The following SMAD3 variants were observed in gnomAD, a reference collection of about 807,000 sequenced individuals.
SMAD3 encodes the protein SMAD family member 3.
In SMAD3, 12 loss-of-function variants were observed where a neutral mutation model predicts 51.8. That is an observed-to-expected ratio of 0.23 (90% CI 0.15 to 0.38). The LOEUF (loss-of-function observed/expected upper bound fraction) is 0.38. SMAD3 is among the 10% of genes least tolerant of loss of function. The pLI is 1.00. For synonymous variants in SMAD3, 238 were observed against 227.7 expected (o/e 1.05, Z -0.41); for missense variants, 294 against 565.6 (o/e 0.52, Z 4.87).
intron 1 of SMAD3, among the ~76,000 whole-genome samples, chr15:67,105,233 T>G (rs1410939934): frequency 1.3e-5 from 2 of 152,204 alleles, no homozygotes; most frequent in Non-Finnish European, 2.9e-5. Context: ...GATGAGGCGC[T>G]CTCCAAAGTT....
In SMAD3 at chr15:67,172,368, C is replaced by T. The variant is rs144611634; in HGVS notation, c.658+1764C>T. On this transcript the variant is annotated intron_variant, in intron 5 of 8. Coordinates refer to ENST00000327367, the MANE Select transcript of SMAD3 (RefSeq NM_005902.4). ...GGGAAGATGTGAATCGGGGGCGAGTCGCCCAGTGAGTCAGGGTTAGGCTTC... is the reference window on the plus strand; with the variant it reads ...GGGAAGATGTGAATCGGGGGCGAGTTGCCCAGTGAGTCAGGGTTAGGCTTC... Among the ~76,000 whole-genome samples, 145 of 152,342 alleles carry T rather than the reference C, an allele frequency of 9.5e-4. 4 individuals are homozygous for T. In the East Asian group the frequency reaches 0.027, roughly 28 times the overall value.
chr15:67,181,572 C>A, intron 6 of SMAD3, 119 bp downstream of exon 6: 1 of 849,376 alleles, frequency 1.2e-6, no homozygotes, highest in Non-Finnish European at 1.9e-6. Context: ...CTTAGCTGTG[C>A]TCTGCCTCCT....
chr15:67,172,246 G>A (rs1720007519), intron 5 of SMAD3, among the ~76,000 whole-genome samples: 1 of 152,252 alleles, frequency 6.6e-6, no homozygotes, highest in African/African-American at 2.4e-5. Context: ...TGAAAGTTGA[G>A]AATTCTTAGG....
chr15:67,161,975 C>T (rs1962444144), intron 1 of SMAD3, among the ~76,000 whole-genome samples: 1 of 152,100 alleles, frequency 6.6e-6, no homozygotes, highest in East Asian at 1.9e-4. Context: ...CTCGATCTGC[C>T]TGGTAATTAC....
At chr15:67,142,197 A>ACC (rs1230384756) in intron 1 of SMAD3, among the ~76,000 whole-genome samples, 1 of 114,164 alleles carries the variant, frequency 8.8e-6, no homozygotes, top group Non-Finnish European at 1.8e-5. Flanking sequence ...TCTCCTCCCC[A>ACC]CACCCCCCCC....
chr15:67,092,109 C>G (rs954481474), intron 1 of SMAD3, among the ~76,000 whole-genome samples: 2 of 152,116 alleles, frequency 1.3e-5, no homozygotes, highest in Non-Finnish European at 2.9e-5. Flanking sequence ...CCCTCCTACC[C>G]ACTACTTGCT....
rs1963467284 is a variant in SMAD3, at chr15:67,195,028, A to C, written c.*4492A>C. On this transcript the variant is annotated 3_prime_UTR_variant, in exon 9 of 9. Transcript: ENST00000327367. The stretch of plus-strand genomic sequence containing the variant: ...TTGTAAAAAGCATGTATGTATTTAT[A>C]GTGTTTTAGATTTTTCTAACTTTTA... 1.3e-5 allele frequency: 3 copies of C among 233,642 alleles called. 1 individual carries two copies. The highest frequency in any genetic ancestry group is 2.5e-3 in the Middle Eastern group (2 of 786). 14.5% of individuals were successfully genotyped at this position (233,642 alleles called of 1,614,324 possible).
At chr15:67,131,313 A>T (rs1257815138) in intron 1 of SMAD3, among the ~76,000 whole-genome samples, 1 of 152,172 alleles carries the variant, frequency 6.6e-6, no homozygotes, top group Non-Finnish European at 1.5e-5. Context: ...GGGACCTCAG[A>T]ACCAAGAGGC....
intron 1 of SMAD3, among the ~76,000 whole-genome samples, chr15:67,133,912 TGCTTCTGACTCCCTGGCCAGTGCTCC>T (rs765585155): frequency 9.2e-5 from 14 of 152,262 alleles, no homozygotes; most frequent in Non-Finnish European, 1.8e-4. Flanking sequence ...ACCAGAGCTC[TGCTTCTGACTCCCTGGCCAGTGCTCC>T]AGCTGCCACT....
At chr15:67,088,130 A>G (rs1438978234) in intron 1 of SMAD3, among the ~76,000 whole-genome samples, 1 of 152,152 alleles carries the variant, frequency 6.6e-6, no homozygotes, top group Non-Finnish European at 1.5e-5. Flanking sequence ...TTATCGCAGG[A>G]GGAGTGATAA....
chr15:67,154,366 GA>G (rs763834430), intron 1 of SMAD3, among the ~76,000 whole-genome samples: 4 of 152,188 alleles, frequency 2.6e-5, no homozygotes, highest in Non-Finnish European at 5.9e-5. Context: ...CAAGGGTTAT[GA>G]AATCCTGTTT....
intron 1 of SMAD3, among the ~76,000 whole-genome samples, chr15:67,076,993 A>G (rs1960184016): frequency 6.6e-6 from 1 of 152,096 alleles, no homozygotes; most frequent in African/African-American, 2.4e-5. Flanking sequence ...GGGTGGTGCT[A>G]GGGGTGGGCT....
chr15:67,141,531 A>G (rs1708211959), intron 1 of SMAD3, among the ~76,000 whole-genome samples: 1 of 152,134 alleles, frequency 6.6e-6, no homozygotes. Flanking sequence ...CAGCTGAGGA[A>G]AGCCCTGGGG....
At chr15:67,127,578 G>A (rs930994073) in intron 1 of SMAD3, among the ~76,000 whole-genome samples, 3 of 152,158 alleles carry the variant, frequency 2.0e-5, no homozygotes, top group Admixed American at 2.0e-4. Context: ...ATACTCACCT[G>A]GCAATTAGTC....
intron 5 of SMAD3, among the ~76,000 whole-genome samples, 167 bp from the exon 6 acceptor site, chr15:67,181,074 G>T (rs1416551306): frequency 6.6e-6 from 1 of 152,232 alleles, no homozygotes; most frequent in African/African-American, 2.4e-5. Context: ...TGAGCATCTT[G>T]TTCTGGTGGC....
intron 1 of SMAD3, among the ~76,000 whole-genome samples, chr15:67,140,508 C>T (rs1316482895): frequency 6.6e-6 from 1 of 152,226 alleles, no homozygotes; most frequent in Non-Finnish European, 1.5e-5. Context: ...GGCTGAGAAA[C>T]TATGCAGAGA....
chr15:67,079,499 T>C (rs1960238501), intron 1 of SMAD3, among the ~76,000 whole-genome samples: 1 of 152,134 alleles, frequency 6.6e-6, no homozygotes, highest in Non-Finnish European at 1.5e-5. Context: ...CTCTTGGCCA[T>C]GTCCAAGCAT....
intron 5 of SMAD3, among the ~76,000 whole-genome samples, chr15:67,175,283 G>A (rs1962859458): frequency 6.6e-6 from 1 of 152,220 alleles, no homozygotes; most frequent in Non-Finnish European, 1.5e-5. Flanking sequence ...AGTTAAAGGA[G>A]GTGATGGCTT....
In SMAD3 at chr15:67,194,491, C is replaced by G. The variant is rs142857253; in HGVS notation, c.*3955C>G. 1.8e-4 allele frequency: 41 copies of G among 232,978 alleles called. No individual in the cohort carries two copies. The highest frequency in any genetic ancestry group is 9.0e-4 in the African/African-American group (41 of 45,404). The allele number at this position is 232,978 out of a possible 1,614,324, so 14.4% of individuals were successfully genotyped here. Reference sequence around the variant, plus strand: ...GATTGAGAAATTCTCAGTGATTCTGCAATGGATTTTTTTTTAATGCAGAAG... The same window carrying G: ...GATTGAGAAATTCTCAGTGATTCTGGAATGGATTTTTTTTTAATGCAGAAG... On this transcript the variant is annotated 3_prime_UTR_variant, in exon 9 of 9. Coordinates refer to ENST00000327367, the MANE Select transcript of SMAD3 (RefSeq NM_005902.4).
Sources: allele counts gnomAD v4.1 joint callset (sites outside exome capture counted in the v4.1 genomes callset), GRCh38; gene constraint gnomAD v4.1.1; transcripts MANE v1.5; gene names NCBI Gene and HGNC (gene_info 2026-07-23, HGNC 2026-07-21).